The following SGCE variants were observed in gnomAD, a reference collection of about 807,000 sequenced individuals.
The protein encoded by SGCE is epsilon-sarcoglycan.
A neutral mutation model predicts 57.8 loss-of-function variants in SGCE; 26 were observed. The ratio of observed to expected loss-of-function variants is 0.45; its 90% CI spans 0.33 to 0.62. SGCE has a LOEUF of 0.62. Ranked by LOEUF, SGCE falls within the 20% of genes least tolerant of loss-of-function variation. SGCE has a pLI of 0.02. For missense variants in SGCE, 468 were observed against 548.6 expected, an observed-to-expected ratio of 0.85 and a Z score of 1.47; for synonymous variants, 183 against 189.5, an observed-to-expected ratio of 0.97 and a Z score of 0.28.
intron 9 of SGCE, 131 bp downstream of exon 9, chr7:94,598,644 A>G: frequency 1.3e-6 from 1 of 767,242 alleles, no homozygotes; most frequent in Non-Finnish European, 2.3e-6. Flanking sequence ...TGAGATTTAC[A>G]CAATGTCCTT....
intron 9 of SGCE, among the ~76,000 whole-genome samples, chr7:94,593,763 T>A (rs991032332): frequency 2.0e-5 from 3 of 152,124 alleles, no homozygotes; most frequent in Non-Finnish European, 4.4e-5. Flanking sequence ...TGCTATTCTT[T>A]CAGTTTCACA....
chr7:94,634,170 G>A (rs1051021768), intron 1 of SGCE, among the ~76,000 whole-genome samples: 1 of 152,070 alleles, frequency 6.6e-6, no homozygotes, highest in South Asian at 2.1e-4. Context: ...ACTTTAAAAT[G>A]TCCATTTATA....
At chr7:94,596,236 C>T (rs1294836812) in intron 9 of SGCE, among the ~76,000 whole-genome samples, 1 of 151,990 alleles carries the variant, frequency 6.6e-6, no homozygotes, top group Non-Finnish European at 1.5e-5. Context: ...TTTTATTTTG[C>T]TTGTATATTA....
At chr7:94,620,464 A>G (rs1033974972) in intron 4 of SGCE, 1 of 152,150 alleles carries the variant, frequency 6.6e-6, no homozygotes, top group Admixed American at 6.6e-5. Context: ...TTTTATAGAC[A>G]TATTTCCTGT....
chr7:94,600,627 T>C lies in SGCE; in HGVS notation c.1037+19A>G, dbSNP rs1277678959. The C allele has an allele frequency of 7.7e-6, 12 of 1,558,156 alleles. No individual in the cohort carries two copies. Among genetic ancestry groups the C allele is most frequent in the African/African-American group, 2.7e-5 (2 of 73,876 alleles). Reference sequence around the variant, plus strand: ...CTTAGCAGGATCTCTAATTATCTTATTAGTTTTAAAGTACTCACACGCCTT... The same window carrying C: ...CTTAGCAGGATCTCTAATTATCTTACTAGTTTTAAAGTACTCACACGCCTT... On this transcript the variant is annotated intron_variant, in intron 7 of 10. Transcript: ENST00000648936.
intron 3 of SGCE, chr7:94,625,037 C>T (rs1309257685): frequency 1.3e-5 from 2 of 151,848 alleles, no homozygotes; most frequent in African/African-American, 4.8e-5. Flanking sequence ...CTGTAATATC[C>T]TCAGATTTTA....
At chr7:94,615,425 A>ATAGATAG (rs1562836241) in intron 5 of SGCE, among the ~76,000 whole-genome samples, 1 of 133,434 alleles carries the variant, frequency 7.5e-6, no homozygotes, top group Non-Finnish European at 1.8e-5. Context: ...TAGATAGATA[A>ATAGATAG]AGGGCAATTC....
At chr7:94,622,286 TCTCATAAA>T (rs370257481) in intron 4 of SGCE, 118 of 152,262 alleles carry the variant, frequency 7.7e-4, no homozygotes, top group African/African-American at 2.7e-3. Flanking sequence ...CTCCTGTCAT[TCTCATAAA>T]TGATATCTAA....
At chr7:94,599,059 T>C in intron 8 of SGCE, 96 bp from the exon 9 acceptor site, 2 of 887,364 alleles carry the variant, frequency 2.3e-6, no homozygotes, top group Non-Finnish European at 3.5e-6. Flanking sequence ...TTTTATCTTT[T>C]AAAATAATAA....
chr7:94,624,407 A>G (rs1803374448), intron 3 of SGCE: 2 of 392,128 alleles, frequency 5.1e-6, no homozygotes, highest in Non-Finnish European at 9.0e-6. Flanking sequence ...TTTGAAATAA[A>G]TAATTTTAAA....
intron 10 of SGCE, chr7:94,587,292 A>G (rs1337940193): frequency 1.0e-6 from 1 of 990,558 alleles, no homozygotes; most frequent in Non-Finnish European, 1.2e-6. Flanking sequence ...TCATCTACTC[A>G]AGTTTCCTAA....
At position 94,600,929 on chromosome 7, in the gene SGCE, C is replaced by T. The variant is rs1799119958; in HGVS notation, c.826-72G>A. The T allele has an allele frequency of 2.4e-5, 29 of 1,231,130 alleles. 1 individual carries two copies. The South Asian group carries it at 3.7e-4, about 16-fold the overall frequency. 76.3% of individuals were successfully genotyped at this position (1,231,130 alleles called of 1,614,324 possible). On this transcript the variant is annotated intron_variant, in intron 6 of 10. Coordinates refer to ENST00000648936, the MANE Select transcript of SGCE (RefSeq NM_003919.3). ...ATTATGAGATTTTAAGATCTGGATA[C>T]ACTAAAGCATTCTTTGACAAATTAT...
intron 1 of SGCE, among the ~76,000 whole-genome samples, chr7:94,642,668 C>G (rs900238849): frequency 6.6e-6 from 1 of 152,140 alleles, no homozygotes; most frequent in African/African-American, 2.4e-5. Flanking sequence ...CCCATTCCAA[C>G]CTCCAACTGA....
At chr7:94,589,100 C>G (rs1184667282) in intron 9 of SGCE, 4 of 282,542 alleles carry the variant, frequency 1.4e-5, no homozygotes, top group Non-Finnish European at 2.8e-5. Flanking sequence ...GGCTTGTGCT[C>G]TTAACCTATA....
chr7:94,619,085 C>CT, intron 4 of SGCE, 129 bp from the exon 5 acceptor site: 1 of 703,722 alleles, frequency 1.4e-6, no homozygotes, highest in Non-Finnish European at 2.6e-6. Context: ...TTAATACTGA[C>CT]TTTAAAGGCT....
At chr7:94,588,050 A>T (rs1323216648) in intron 10 of SGCE, 3 of 1,357,532 alleles carry the variant, frequency 2.2e-6, no homozygotes, top group Admixed American at 3.7e-5. Context: ...ATCAACCACT[A>T]ATTAGAAGAC....
At chr7:94,607,173 A>G (rs1800279060) in intron 5 of SGCE, among the ~76,000 whole-genome samples, 1 of 152,204 alleles carries the variant, frequency 6.6e-6, no homozygotes, top group Non-Finnish European at 1.5e-5. Context: ...CTTCTAAAGC[A>G]GAAAGCATCA....
chr7:94,647,511 CT>C, intron 1 of SGCE, among the ~76,000 whole-genome samples: 1 of 152,214 alleles, frequency 6.6e-6, no homozygotes, highest in Non-Finnish European at 1.5e-5. Context: ...CTAAAGTGCT[CT>C]TTTTGAAATG....
At chr7:94,588,826 C>T in intron 9 of SGCE, 94 bp from the exon 10 acceptor site, 2 of 1,388,464 alleles carry the variant, frequency 1.4e-6, no homozygotes, top group Non-Finnish European at 2.0e-6. Flanking sequence ...TACGGGTAAA[C>T]TATGACCCCA....
Sources: allele counts gnomAD v4.1 joint callset (sites outside exome capture counted in the v4.1 genomes callset), GRCh38; gene constraint gnomAD v4.1.1; transcripts MANE v1.5; gene names NCBI Gene and HGNC (gene_info 2026-07-23, HGNC 2026-07-21).